Variants in IRGQ observed in about 807,000 individuals in gnomAD.
The protein encoded by IRGQ is immunity-related GTPase family Q protein.
IRGQ carries 5 observed loss-of-function variants against 10.5 expected under a neutral mutation model. That is an observed-to-expected ratio of 0.48 (90% confidence interval 0.25 to 1.00). The LOEUF (loss-of-function observed/expected upper bound fraction) is 1.00, where lower values mean the gene tolerates loss of function less well. IRGQ is among the 50% of genes least tolerant of loss of function. IRGQ has a pLI of 0.16. For synonymous variants in IRGQ, 418 were observed against 426.0 expected (o/e 0.98, Z 0.23); for missense variants, 792 against 877.7 (o/e 0.90, Z 1.23).
rs188830833 is a variant in IRGQ, at chr19:43,592,931, C to T, written c.967G>A (p.Asp323Asn). The T allele has an allele frequency of 1.2e-6, 2 of 1,611,440 alleles. No homozygotes were observed. Among genetic ancestry groups the T allele is most frequent in the Non-Finnish European group, 8.5e-7 (1 of 1,180,018 alleles). ...GTGCGCACGCAGACAAGAGGCGCATCTGGTAGCAGCAAGGCCTGGACCTGG... is the reference window on the plus strand; with the variant it reads ...GTGCGCACGCAGACAAGAGGCGCATTTGGTAGCAGCAAGGCCTGGACCTGG... ...WAQVQALLLP[D>N]APLVCVRTDG... Residue 323 changes from aspartate to asparagine, a missense_variant, in exon 3 of 3, where the codon GAT becomes AAT. Transcript: ENST00000422989.
rs771417943 is a variant in IRGQ, at chr19:43,593,196, G to A, written c.702C>T (p.Asp234=). The A allele has an allele frequency of 1.3e-6, 2 of 1,570,272 alleles. No individual in the cohort carries two copies. The highest frequency in any genetic ancestry group is 1.9e-5 in the Admixed American group (1 of 53,792). The change falls in exon 3 of 3, where the codon GAC becomes GAT. Residue 234 remains aspartate (D), a synonymous_variant. Coordinates refer to ENST00000422989, the MANE Select transcript of IRGQ (RefSeq NM_001007561.3). This position sits in a 1 kb window ranked among gnomAD's most constrained non-coding sequence, Gnocchi z 6.4. ...GCAGCATGTCCACCACAAGGCCCACGTCAGCCTTGCCAGCCACGGCCAGGT... is the reference window on the plus strand; with the variant it reads ...GCAGCATGTCCACCACAAGGCCCACATCAGCCTTGCCAGCCACGGCCAGGT... ...RLDLAVAGKA[D]VGLVVDMLLG...
At position 43,593,425 on chromosome 19, in the gene IRGQ, T is replaced by C; in HGVS notation, c.531-58A>G. 2 of 1,448,654 alleles carry C rather than the reference T, an allele frequency of 1.4e-6. No individual in the cohort carries two copies. Among genetic ancestry groups the C allele is most frequent in the Non-Finnish European group, 9.1e-7 (1 of 1,095,244 alleles). The allele number at this position is 1,448,654 out of a possible 1,614,324, so 89.7% of individuals were successfully genotyped here. A position where few individuals can be genotyped will look rare whatever the true frequency, so the allele number is the denominator to read the frequency against. ...AGAAGAGGGGCTGGGTGACATGGAC[T>C]GGGCTATGATGACAAGGGCAGAGCT... On this transcript the variant is annotated intron_variant, in intron 2 of 2. Transcript: ENST00000422989. This position sits in a 1 kb window ranked among gnomAD's most constrained non-coding sequence, Gnocchi z 6.4.
intron 1 of IRGQ, 73 bp from the exon 2 acceptor site, chr19:43,595,413 G>T: frequency 1.4e-6 from 2 of 1,405,138 alleles, no homozygotes; most frequent in South Asian, 1.4e-5. Flanking sequence ...CGCCCCACTC[G>T]GAACCCAGGC....
intron 2 of IRGQ, 127 bp downstream of exon 2, chr19:43,594,682 A>AT (rs1973107153): frequency 5.8e-6 from 4 of 690,578 alleles, no homozygotes; most frequent in African/African-American, 1.9e-5. Context: ...GAAAAAAAAA[A>AT]AAATAATAAT....
In IRGQ at chr19:43,596,120, C is replaced by T. The variant is rs1973135892; in HGVS notation, c.-141G>A. ...GATTTAGAGATGCCGGGACCCGTCC[C>T]GGTAGCTTTAACCTGACGTCACTCC... On this transcript the variant is annotated 5_prime_UTR_variant, in exon 1 of 3. Coordinates refer to ENST00000422989, the MANE Select transcript of IRGQ (RefSeq NM_001007561.3). 2 of 152,214 alleles carry T rather than the reference C, an allele frequency of 1.3e-5. No homozygotes were observed. The highest frequency in any genetic ancestry group is 1.3e-4 in the Admixed American group (2 of 15,282). 9.4% of individuals were successfully genotyped at this position (152,214 alleles called of 1,614,324 possible).
In IRGQ at chr19:43,586,185, C is replaced by CT. The variant is rs2146090454; in HGVS notation, c.*5840dup. 6.6e-6 allele frequency: 1 copy of CT among 152,334 alleles called. No individual in the cohort carries two copies. The highest frequency in any genetic ancestry group is 2.4e-5 in the African/African-American group (1 of 41,574). 9.4% of individuals were successfully genotyped at this position (152,334 alleles called of 1,614,324 possible). A position where few individuals can be genotyped will look rare whatever the true frequency, so the allele number is the denominator to read the frequency against. ...TCCTTGAATTCCTGCCTTCAAGGGTCTTCCAGCCCTGTGGTGCCATGCAGA... is the reference window on the plus strand; with the variant it reads ...TCCTTGAATTCCTGCCTTCAAGGGTCTTTCCAGCCCTGTGGTGCCATGCAGA... On this transcript the variant is annotated 3_prime_UTR_variant, in exon 3 of 3. Transcript: ENST00000422989.
In IRGQ at chr19:43,592,629, C is replaced by G; in HGVS notation, c.1269G>C (p.Val423=). 1 of 1,603,058 alleles carries G rather than the reference C, an allele frequency of 6.2e-7. No individual in the cohort carries two copies. Among genetic ancestry groups the G allele is most frequent in the African/African-American group, 1.3e-5 (1 of 75,062 alleles). Residue 423 remains valine, a synonymous_variant, in exon 3 of 3, where the codon GTG becomes GTC. Transcript: ENST00000422989. The stretch of plus-strand genomic sequence containing the variant: ...ACACTGGCGGCGGCGCCTCCTCCAG[C>G]ACCTCCCACGTCTCGTCCTCCGGGC... The part of the protein sequence containing the change: ...ALSPEDETWE[V]LEEAPPPVFP...
chr19:43,591,979 C>G lies in IRGQ; in HGVS notation c.*47G>C. On this transcript the variant is annotated 3_prime_UTR_variant, in exon 3 of 3. Transcript: ENST00000422989. ...CCCTTCAAGCACCCAGGATTAAGCC[C>G]AGGCATCCCCTGTCAGAGTCTGGAC... 1 of 1,531,624 alleles carries G rather than the reference C, an allele frequency of 6.5e-7. No individual in the cohort carries two copies. The highest frequency in any genetic ancestry group is 8.8e-7 in the Non-Finnish European group (1 of 1,136,930). The allele number at this position is 1,531,624 out of a possible 1,614,324, so 94.9% of individuals were successfully genotyped here.
At position 43,593,173 on chromosome 19, in the gene IRGQ, A is replaced by G. The variant is rs1258582883; in HGVS notation, c.725T>C (p.Leu242Pro). 6.4e-7 allele frequency: 1 copy of G among 1,562,954 alleles called. No homozygotes were observed. The highest frequency in any genetic ancestry group is 8.7e-7 in the Non-Finnish European group (1 of 1,151,846). Residue 242 changes from leucine to proline, a missense_variant, in exon 3 of 3, where the codon CTG (leucine) becomes CCG (proline). Physicochemically the swap from Leu to Pro is moderately conservative, Grantham distance 98 (BLOSUM62 -3). Coordinates refer to ENST00000422989, the MANE Select transcript of IRGQ (RefSeq NM_001007561.3). The surrounding 1 kb of genome is among the most constrained non-coding windows in gnomAD (Gnocchi z 6.4). ...KADVGLVVDMLLGLDPGDPGA... is the reference protein window; with the variant it reads ...KADVGLVVDMPLGLDPGDPGA... ...TGGGTCGCCAGGATCCAATCCAAGC[A>G]GCATGTCCACCACAAGGCCCACGTC... is the stretch of plus-strand genomic sequence containing the variant.
At position 43,585,858 on chromosome 19, in the gene IRGQ, T is replaced by A. The variant is rs1412398493; in HGVS notation, c.*6168A>T. ...CACCATCCCTCCTATCCCCAGACGCTGGAGTCTAGGTTTCCAGCCCAGTCA... is the reference window on the plus strand; with the variant it reads ...CACCATCCCTCCTATCCCCAGACGCAGGAGTCTAGGTTTCCAGCCCAGTCA... On this transcript the variant is annotated 3_prime_UTR_variant, in exon 3 of 3. Coordinates refer to ENST00000422989, the MANE Select transcript of IRGQ (RefSeq NM_001007561.3). 6.6e-6 allele frequency: 1 copy of A among 152,216 alleles called. No homozygotes were observed. The highest frequency in any genetic ancestry group is 1.5e-5 in the Non-Finnish European group (1 of 68,028). 9.4% of individuals were successfully genotyped at this position (152,216 alleles called of 1,614,324 possible).
rs1208538553 is a variant in IRGQ, at chr19:43,592,100, C to T, written c.1798G>A (p.Val600Ile). 1.9e-6 allele frequency: 3 copies of T among 1,612,394 alleles called. No homozygotes were observed. Among genetic ancestry groups the T allele is most frequent in the Non-Finnish European group, 1.7e-6 (2 of 1,179,734 alleles). Residue 600 changes from valine to isoleucine, a missense_variant, in exon 3 of 3, where the codon GTC (valine) becomes ATC (isoleucine). By Grantham distance (29) the Val-to-Ile change is conservative (BLOSUM62 3). Transcript: ENST00000422989. Reference protein sequence around the residue: ...GGLGYRAAHGVLLQALDEMRA... With the variant: ...GGLGYRAAHGILLQALDEMRA... ...ATCTCATCGAGAGCCTGCAGCAGGA[C>T]GCCGTGAGCCGCTCGGTAGCCCAGG...
chr19:43,587,207 G>T lies in IRGQ; in HGVS notation c.*4819C>A, dbSNP rs1245359393. On this transcript the variant is annotated 3_prime_UTR_variant, in exon 3 of 3. Coordinates refer to ENST00000422989, the MANE Select transcript of IRGQ (RefSeq NM_001007561.3). ...TAGCCAGGCATGGTGGCATACACCTGTAGTCCCAGCTACTCAGGAGGATGA... is the reference window on the plus strand; with the variant it reads ...TAGCCAGGCATGGTGGCATACACCTTTAGTCCCAGCTACTCAGGAGGATGA... 6.6e-6 allele frequency: 1 copy of T among 152,200 alleles called. No homozygotes were observed. Among genetic ancestry groups the T allele is most frequent in the African/African-American group, 2.4e-5 (1 of 41,434 alleles). 9.4% of individuals were successfully genotyped at this position (152,200 alleles called of 1,614,324 possible). A position where few individuals can be genotyped will look rare whatever the true frequency, so the allele number is the denominator to read the frequency against.
Position 43,591,889 on chromosome 19 carries a change from C to T in IRGQ, c.*137G>A. 1 of 823,116 alleles carries T rather than the reference C, an allele frequency of 1.2e-6. No homozygotes were observed. The highest frequency in any genetic ancestry group is 1.8e-6 in the Non-Finnish European group (1 of 546,378). The allele number at this position is 823,116 out of a possible 1,614,324, so 51.0% of individuals were successfully genotyped here. A position where few individuals can be genotyped will look rare whatever the true frequency, so the allele number is the denominator to read the frequency against. ...AAAAAAAAATCAGGATTCCTGTCCC[C>T]CAGACTCTCTGAATCCAGGTGATAA... is the stretch of plus-strand genomic sequence containing the variant. On this transcript the variant is annotated 3_prime_UTR_variant, in exon 3 of 3. Coordinates refer to ENST00000422989, the MANE Select transcript of IRGQ (RefSeq NM_001007561.3).
rs530241710 is a variant in IRGQ, at chr19:43,587,651, A to T, written c.*4375T>A. On this transcript the variant is annotated 3_prime_UTR_variant, in exon 3 of 3. Transcript: ENST00000422989. ...CCAGGCACGGTGCCTCACGCCTGTA[A>T]TCCTAGCACTTTGGGAGGCCGAGGT... 6.6e-6 allele frequency: 1 copy of T among 152,296 alleles called. No individual in the cohort carries two copies. The highest frequency in any genetic ancestry group is 2.1e-4 in the South Asian group (1 of 4,826). 9.4% of individuals were successfully genotyped at this position (152,296 alleles called of 1,614,324 possible).
In IRGQ at chr19:43,586,606, A is replaced by T. The variant is rs1972997184; in HGVS notation, c.*5420T>A. On this transcript the variant is annotated 3_prime_UTR_variant, in exon 3 of 3. Transcript: ENST00000422989. ...AGGACCAAATCAGAGACAGGGTCAA[A>T]GTGGCAGAAAAATGAGGAGCACACT... The T allele has an allele frequency of 6.6e-6, 1 of 152,310 alleles. No homozygotes were observed. The highest frequency in any genetic ancestry group is 1.5e-5 in the Non-Finnish European group (1 of 68,088). 9.4% of individuals were successfully genotyped at this position (152,310 alleles called of 1,614,324 possible). A position where few individuals can be genotyped will look rare whatever the true frequency, so the allele number is the denominator to read the frequency against.
At position 43,586,755 on chromosome 19, in the gene IRGQ, T is replaced by A. The variant is rs1338142826; in HGVS notation, c.*5271A>T. 1 of 152,240 alleles carries A rather than the reference T, an allele frequency of 6.6e-6. No individual in the cohort carries two copies. Among genetic ancestry groups the A allele is most frequent in the Non-Finnish European group, 1.5e-5 (1 of 68,052 alleles). The allele number at this position is 152,240 out of a possible 1,614,324, so 9.4% of individuals were successfully genotyped here. On this transcript the variant is annotated 3_prime_UTR_variant, in exon 3 of 3. Coordinates refer to ENST00000422989, the MANE Select transcript of IRGQ (RefSeq NM_001007561.3). ...AGGCTTTTCAGGAAAGGGTGTACTA[T>A]GTTATGTGTCTGTGTGCATATTGTG...
rs1347182817 is a variant in IRGQ at position 43,592,257 on chromosome 19, G to A, written c.1641C>T (p.Phe547=). The stretch of plus-strand genomic sequence containing the variant: ...CCTCGGCGCGCGTCACCGGGCCTGG[G>A]AAATGAGCGCGCGCTGCCAGCTCTC... ...ASGELAARAH[F]PGPVTRAEVE... Residue 547 remains phenylalanine (F), a synonymous_variant, in exon 3 of 3, where the codon TTC becomes TTT. Coordinates refer to ENST00000422989, the MANE Select transcript of IRGQ (RefSeq NM_001007561.3). 2 of 1,577,270 alleles carry A rather than the reference G, an allele frequency of 1.3e-6. No individual in the cohort carries two copies. Among genetic ancestry groups the A allele is most frequent in the Non-Finnish European group, 1.7e-6 (2 of 1,169,722 alleles).
Position 43,593,117 on chromosome 19 carries a change from G to C in IRGQ, c.781C>G (p.Pro261Ala). ...CGCTCTGGGGCTGGGAAGGGAGTGG[G>C]TGCTGTGGGGACCGAAGCAGGCGCA... ...GAAPASVPTA[P>A]TPFPAPERPN... The change falls in exon 3 of 3, where the codon CCC (proline) becomes GCC (alanine). Residue 261 changes from proline to alanine, a missense_variant. Pro to Ala is a conservative substitution (Grantham distance 27). Transcript: ENST00000422989. The surrounding 1 kb of genome is among the most constrained non-coding windows in gnomAD (Gnocchi z 6.4). 1 of 1,573,192 alleles carries C rather than the reference G, an allele frequency of 6.4e-7. No homozygotes were observed. Among genetic ancestry groups the C allele is most frequent in the Non-Finnish European group, 8.7e-7 (1 of 1,155,462 alleles).
rs1045004510 is a variant in IRGQ, at chr19:43,589,831, C to A, written c.*2195G>T. 6.6e-6 allele frequency: 1 copy of A among 152,098 alleles called. No homozygotes were observed. Among genetic ancestry groups the A allele is most frequent in the Non-Finnish European group, 1.5e-5 (1 of 68,046 alleles). The allele number at this position is 152,098 out of a possible 1,614,324, so 9.4% of individuals were successfully genotyped here. A position where few individuals can be genotyped will look rare whatever the true frequency, so the allele number is the denominator to read the frequency against. On this transcript the variant is annotated 3_prime_UTR_variant, in exon 3 of 3. Transcript: ENST00000422989. ...AGGGGAAGTCCTCTCTGAGGGGATA[C>A]GTGAGCTGAGATCTGACTGAGCCCG...
Sources: allele counts gnomAD v4.1 joint callset, GRCh38; gene constraint gnomAD v4.1.1; non-coding constraint Gnocchi (gnomAD v3.1); transcripts MANE v1.5; gene names NCBI Gene and HGNC (gene_info 2026-07-23, HGNC 2026-07-21).